The following EPHX3 variants were observed in gnomAD, a reference collection of about 807,000 sequenced individuals.
EPHX3 encodes epoxide hydrolase 3.
A neutral mutation model predicts 40.2 loss-of-function variants in EPHX3; 39 were observed. The observed-to-expected ratio is 0.97, with a 90% confidence interval of 0.75 to 1.27. EPHX3 has a LOEUF of 1.27. EPHX3 is among the 50% of genes most tolerant of loss of function. EPHX3 has a pLI of 0.00. For synonymous variants in EPHX3, 213 were observed against 209.7 expected (o/e 1.02, Z -0.14); for missense variants, 442 against 474.0 (o/e 0.93, Z 0.63).
Position 15,232,311 on chromosome 19 carries a change from G to A in EPHX3, c.-100C>T. On this transcript the variant is annotated 5_prime_UTR_variant, in exon 1 of 7. Transcript: ENST00000221730. The stretch of plus-strand genomic sequence containing the variant: ...TCAGGGGCCCATCGCCCTTGGCCTG[G>A]GGCCCCTCCGTGCCGTCGGGATTTG... The A allele has an allele frequency of 7.2e-7, 1 of 1,386,038 alleles. No homozygotes were observed. Among genetic ancestry groups the A allele is most frequent in the Non-Finnish European group, 9.2e-7 (1 of 1,081,150 alleles). 85.9% of individuals were successfully genotyped at this position (1,386,038 alleles called of 1,614,324 possible). A position where few individuals can be genotyped will look rare whatever the true frequency, so the allele number is the denominator to read the frequency against.
chr19:15,234,750 C>G (rs1344356698), upstream of EPHX3, among the ~76,000 whole-genome samples: 1 of 152,214 alleles, frequency 6.6e-6, no homozygotes, highest in Admixed American at 6.5e-5. Flanking sequence ...CCACTTTTAT[C>G]CATATACCTT....
At position 15,227,793 on chromosome 19, in the gene EPHX3, T is replaced by G. The variant is rs200941477; in HGVS notation, c.835A>C (p.Asn279His). The G allele has an allele frequency of 1.2e-5, 20 of 1,613,934 alleles. No homozygotes were observed. The highest frequency in any genetic ancestry group is 1.5e-5 in the Non-Finnish European group (18 of 1,179,984). The change falls in exon 6 of 7, where the codon AAC becomes CAC. Residue 279 changes from asparagine to histidine, a missense_variant. Coordinates refer to ENST00000221730, the MANE Select transcript of EPHX3 (RefSeq NM_024794.3). ...SQPGGLTGPL[N>H]YYRNLFRNFP... Reference sequence around the variant, plus strand: ...CACCTGAAGAGGTTTCGGTAGTAGTTGAGGGGCCCAGTGAGGCCACCAGGC... The same window carrying G: ...CACCTGAAGAGGTTTCGGTAGTAGTGGAGGGGCCCAGTGAGGCCACCAGGC...
intron 4 of EPHX3, among the ~76,000 whole-genome samples, chr19:15,230,399 G>T (rs931963357): frequency 6.6e-6 from 1 of 152,022 alleles, no homozygotes; most frequent in Non-Finnish European, 1.5e-5. Flanking sequence ...TTGAACCCCT[G>T]GGCTCAAGCA....
chr19:15,228,434 C>G (rs749328313), intron 4 of EPHX3, among the ~76,000 whole-genome samples: 19 of 151,048 alleles, frequency 1.3e-4, no homozygotes, highest in Non-Finnish European at 1.2e-4. Flanking sequence ...GTTCTAGACA[C>G]AGCAGTGAAT....
chr19:15,235,106 A>G (rs939274823), upstream of EPHX3, among the ~76,000 whole-genome samples: 2 of 151,920 alleles, frequency 1.3e-5, no homozygotes, highest in African/African-American at 2.4e-5. Flanking sequence ...TGTTCAAGCA[A>G]TTCTCCTGCC....
chr19:15,232,207 G>C lies in EPHX3; in HGVS notation c.5C>G (p.Pro2Arg). The C allele has an allele frequency of 1.3e-6, 2 of 1,505,964 alleles. No individual in the cohort carries two copies. The highest frequency in any genetic ancestry group is 1.8e-6 in the Non-Finnish European group (2 of 1,136,300). 93.3% of individuals were successfully genotyped at this position (1,505,964 alleles called of 1,614,324 possible). A position where few individuals can be genotyped will look rare whatever the true frequency, so the allele number is the denominator to read the frequency against. ...CAGCAGCGCGGTCACCACCAGCTCC[G>C]GCATGTCGCCGCGCTCCGGGACCAC... M[P>R]ELVVTALLAP... Residue 2 changes from proline (P) to arginine (R), a missense_variant, in exon 1 of 7, where the codon CCG becomes CGG. Physicochemically the swap from Pro to Arg is moderately radical, Grantham distance 103 (BLOSUM62 -2). Coordinates refer to ENST00000221730, the MANE Select transcript of EPHX3 (RefSeq NM_024794.3).
In EPHX3 at chr19:15,227,768, C is replaced by T. The variant is rs1458238109; in HGVS notation, c.857+3G>A. ...TGAGCTTATGCTTGGCAACTGGTCT[C>T]ACCTGAAGAGGTTTCGGTAGTAGTT... is the stretch of plus-strand genomic sequence containing the variant. On this transcript the variant is annotated splice_donor_region_variant and intron_variant, in intron 6 of 6. Transcript: ENST00000221730. 2.5e-6 allele frequency: 4 copies of T among 1,613,718 alleles called. No homozygotes were observed. The highest frequency in any genetic ancestry group is 2.2e-5 in the East Asian group (1 of 44,882).
Position 15,231,266 on chromosome 19 carries a change from C to T in EPHX3, c.460G>A (p.Asp154Asn), listed in dbSNP as rs762041019. 1.2e-6 allele frequency: 2 copies of T among 1,613,862 alleles called. No individual in the cohort carries two copies. The highest frequency in any genetic ancestry group is 1.1e-5 in the South Asian group (1 of 91,086). ...AGGCCTAGGATGACATCTTTGATGT[C>T]CACCAGCAGCAGGTCGATTGTGTAG... ...DCYTIDLLLVDIKDVILGLGY... is the reference protein window; with the variant it reads ...DCYTIDLLLVNIKDVILGLGY... The change falls in exon 3 of 7, where the codon GAC (aspartate) becomes AAC (asparagine). Residue 154 changes from aspartate to asparagine, a missense_variant. Asp to Asn is a conservative substitution (Grantham distance 23). Coordinates refer to ENST00000221730, the MANE Select transcript of EPHX3 (RefSeq NM_024794.3).
Position 15,229,670 on chromosome 19 carries a change from A to G in EPHX3, c.616+1292T>C, listed in dbSNP as rs1040391169. On this transcript the variant is annotated intron_variant, in intron 4 of 6. Coordinates refer to ENST00000221730, the MANE Select transcript of EPHX3 (RefSeq NM_024794.3). Reference sequence around the variant, plus strand: ...AGCACTTTGAGAGGCCAAGGTGGGCAGATCACAAGGTCAGGAGATCAAGAC... The same window carrying G: ...AGCACTTTGAGAGGCCAAGGTGGGCGGATCACAAGGTCAGGAGATCAAGAC... Among the ~76,000 whole-genome samples the G allele has an allele frequency of 1.5e-4, 22 of 151,384 alleles. 1 individual carries two copies. Among genetic ancestry groups the G allele is most frequent in the Non-Finnish European group, 3.1e-4 (21 of 67,854 alleles).
chr19:15,231,923 G>C, intron 1 of EPHX3, 46 bp downstream of exon 1: 1 of 1,612,352 alleles, frequency 6.2e-7, no homozygotes. Context: ...GAACCGTCTC[G>C]ACCCCACGCG....
chr19:15,227,530 G>C lies in EPHX3; in HGVS notation c.990C>G (p.His330Gln), dbSNP rs781077884. 30 of 1,613,982 alleles carry C rather than the reference G, an allele frequency of 1.9e-5. No homozygotes were observed. Among genetic ancestry groups the C allele is most frequent in the Non-Finnish European group, 2.5e-5 (30 of 1,180,022 alleles). Residue 330 changes from histidine (H) to glutamine (Q), a missense_variant, in exon 7 of 7, where the codon CAC becomes CAG. Physicochemically the swap from His to Gln is conservative, Grantham distance 24. Transcript: ENST00000221730. Reference sequence around the variant, plus strand: ...TCCAATGCCCTATGCCTGGCAGGATGTGGGCCTCCAAGCGGCCCGGCACAA... The same window carrying C: ...TCCAATGCCCTATGCCTGGCAGGATCTGGGCCTCCAAGCGGCCCGGCACAA... ...SRFVPGRLEAHILPGIGHWIP... is the reference protein window; with the variant it reads ...SRFVPGRLEAQILPGIGHWIP...
upstream of EPHX3, among the ~76,000 whole-genome samples, chr19:15,234,053 C>A (rs1406934056): frequency 6.7e-6 from 1 of 149,660 alleles, no homozygotes; most frequent in East Asian, 1.9e-4. Context: ...GAGCGAGACT[C>A]CGTCTCAAAA....
At position 15,231,344 on chromosome 19, in the gene EPHX3, C is replaced by A. The variant is rs1443562092; in HGVS notation, c.382G>T (p.Ala128Ser). The A allele has an allele frequency of 1.2e-6, 2 of 1,613,964 alleles. No homozygotes were observed. The highest frequency in any genetic ancestry group is 1.1e-5 in the South Asian group (1 of 91,082). ...REFQSRFHVV[A>S]VDLRGYGPSD... is the part of the protein sequence containing the mutation. ...GGGCCATAGCCTCGCAAGTCCACAGCCACAACATGGAAGCGGCTCTGGAAC... is the reference window on the plus strand; with the variant it reads ...GGGCCATAGCCTCGCAAGTCCACAGACACAACATGGAAGCGGCTCTGGAAC... Residue 128 changes from alanine (A) to serine (S), a missense_variant, in exon 3 of 7, where the codon GCT becomes TCT. Coordinates refer to ENST00000221730, the MANE Select transcript of EPHX3 (RefSeq NM_024794.3).
intron 4 of EPHX3, among the ~76,000 whole-genome samples, chr19:15,229,085 G>A (rs1309294332): frequency 6.6e-6 from 1 of 152,128 alleles, no homozygotes; most frequent in Non-Finnish European, 1.5e-5. Context: ...AGACAGACAA[G>A]TAAACAATAA....
At position 15,229,609 on chromosome 19, in the gene EPHX3, A is replaced by AG. The variant is rs1568371599; in HGVS notation, c.616+1352_616+1353insC. On this transcript the variant is annotated intron_variant, in intron 4 of 6. Coordinates refer to ENST00000221730, the MANE Select transcript of EPHX3 (RefSeq NM_024794.3). ...TCCATCTCAAGAAAAAAAAAAAAAA[A>AG]AGGGGCCAGGCGTGGTGGCTCACGC... Among the ~76,000 whole-genome samples, 104 of 149,770 alleles carry AG rather than the reference A, an allele frequency of 6.9e-4. 1 individual carries two copies. The highest frequency in any genetic ancestry group is 2.5e-3 in the African/African-American group (102 of 40,744).
At chr19:15,230,861 CCT>C (rs2047148155) in intron 4 of EPHX3, 99 bp downstream of exon 4, 5 of 1,502,190 alleles carry the variant, frequency 3.3e-6, no homozygotes, top group Non-Finnish European at 4.5e-6. Context: ...ACCCTCAGCC[CCT>C]GATGTGTTGA....
At chr19:15,234,469 T>C (rs1268907236), upstream of EPHX3, among the ~76,000 whole-genome samples, 3 of 152,174 alleles carry the variant, frequency 2.0e-5, no homozygotes, top group African/African-American at 4.8e-5. Context: ...CACACTCAGC[T>C]AATTTTTCAA....
intron 4 of EPHX3, among the ~76,000 whole-genome samples, chr19:15,229,158 T>C (rs1412783244): frequency 2.0e-5 from 3 of 151,970 alleles, no homozygotes; most frequent in Non-Finnish European, 4.4e-5. Context: ...GGCGGGTGGA[T>C]CACTTGAGAT....
In EPHX3 at chr19:15,227,045, C is replaced by T. The variant is rs533509644; in HGVS notation, c.*392G>A. ...TGAGCTGAAGACCCAGGCAGGAGGT[C>T]GAAGGCAGGGACAGGAAGGTCAGGG... On this transcript the variant is annotated 3_prime_UTR_variant, in exon 7 of 7. Coordinates refer to ENST00000221730, the MANE Select transcript of EPHX3 (RefSeq NM_024794.3). 2.0e-5 allele frequency: 5 copies of T among 247,556 alleles called. No homozygotes were observed. In the East Asian group the frequency reaches 3.9e-4, roughly 19 times the overall value. The allele number at this position is 247,556 out of a possible 1,614,324, so 15.3% of individuals were successfully genotyped here.
Sources: allele counts gnomAD v4.1 joint callset (sites outside exome capture counted in the v4.1 genomes callset), GRCh38; gene constraint gnomAD v4.1.1; transcripts MANE v1.5; gene names NCBI Gene and HGNC (gene_info 2026-07-23, HGNC 2026-07-21).